Variants in GSE1 observed in about 807,000 individuals in gnomAD.
GSE1 encodes Gse1 coiled-coil protein, also known as genetic suppressor element 1.
A neutral mutation model predicts 112.6 loss-of-function variants in GSE1; 32 were observed. The ratio of observed to expected loss-of-function variants is 0.28; its 90% CI spans 0.21 to 0.38. GSE1 has a LOEUF of 0.38. Among genes scored for constraint, GSE1 ranks in the 10% least tolerant of loss-of-function variants. The pLI is 1.00. For missense variants in GSE1, 2,348 were observed against 1,699.2 expected, an observed-to-expected ratio of 1.38 and a Z score of -6.71; for synonymous variants, 1,115 against 735.6, an observed-to-expected ratio of 1.52 and a Z score of -8.35.
chr16:85,201,267 C>T (rs1489758515), intron 1 of GSE1, among the ~76,000 whole-genome samples: 2 of 151,700 alleles, frequency 1.3e-5, no homozygotes, highest in East Asian at 1.9e-4. Context: ...GACAGGGCCT[C>T]CCTGTGTTGC....
intron 1 of GSE1, among the ~76,000 whole-genome samples, chr16:85,265,853 G>C (rs1908182210): frequency 6.6e-6 from 1 of 152,208 alleles, no homozygotes; most frequent in South Asian, 2.1e-4. Context: ...GCCAGGGCAG[G>C]TGAGGTCCCA....
At chr16:85,597,373 C>CAA (rs1165062872) in intron 1 of GSE1, among the ~76,000 whole-genome samples, 714 of 31,006 alleles carry the variant, frequency 0.023, 30 homozygotes, top group African/African-American at 0.048. Flanking sequence ...GACTCTGTCT[C>CAA]AAAAAAAAAA....
intron 1 of GSE1, among the ~76,000 whole-genome samples, chr16:85,239,296 G>A (rs1377913490): frequency 1.3e-5 from 2 of 152,198 alleles, no homozygotes; most frequent in South Asian, 4.1e-4. Flanking sequence ...CCAGAGCTGG[G>A]CATTTAAAGA....
intron 2 of GSE1, among the ~76,000 whole-genome samples, chr16:85,393,649 G>C (rs1461347826): frequency 6.6e-6 from 1 of 152,230 alleles, no homozygotes; most frequent in Non-Finnish European, 1.5e-5. Context: ...TTCTGGAACA[G>C]TCTTCAGGCT....
intron 2 of GSE1, among the ~76,000 whole-genome samples, chr16:85,466,591 C>G (rs2050127585): frequency 6.6e-6 from 1 of 152,170 alleles, no homozygotes; most frequent in South Asian, 2.1e-4. Context: ...CTTGAAGACT[C>G]ACTGCGGGTG....
chr16:85,666,055 C>A lies in GSE1; in HGVS notation c.2838C>A (p.Ala946=), dbSNP rs773990778. Residue 946 remains alanine (A), a synonymous_variant, in exon 13 of 16, where the codon GCC becomes GCA. Transcript: ENST00000253458. Reference sequence around the variant, plus strand: ...CTTCCTTGTCTGACATCCCAAAGGCCGCGGAGCCTGGGAAGCTGGAACAGG... The same window carrying A: ...CTTCCTTGTCTGACATCCCAAAGGCAGCGGAGCCTGGGAAGCTGGAACAGG... ...VAASLSDIPK[A]AEPGKLEQVR... The A allele has an allele frequency of 6.2e-7, 1 of 1,613,454 alleles. No homozygotes were observed. The highest frequency in any genetic ancestry group is 2.2e-5 in the East Asian group (1 of 44,892).
At position 85,441,762 on chromosome 16, in the gene GSE1, C is replaced by T. The variant is rs188315764; in HGVS notation, c.2464+84119C>T. On this transcript the variant is annotated intron_variant, in intron 2 of 2. Coordinates refer to the GSE1 transcript ENST00000637419. ...GATAGAAGGAAGGATCAGAGAAAGA[C>T]ACCAGGATTGATGGCAGTGGGCTCC... is the stretch of plus-strand genomic sequence containing the variant. 3.0e-4 allele frequency among the ~76,000 whole-genome samples: 46 copies of T among 152,322 alleles called. No individual in the cohort carries two copies. In the East Asian group the frequency reaches 8.7e-3, roughly 29 times the overall value.
chr16:85,574,672 T>C (rs1307307289), intron 1 of GSE1, among the ~76,000 whole-genome samples: 1 of 152,210 alleles, frequency 6.6e-6, no homozygotes, highest in Non-Finnish European at 1.5e-5. Context: ...AAGAAGGCGC[T>C]GGTGTGGAAT....
chr16:85,619,787 C>G (rs1012950868), intron 1 of GSE1, among the ~76,000 whole-genome samples: 1 of 152,240 alleles, frequency 6.6e-6, no homozygotes, highest in South Asian at 2.1e-4. Context: ...GACTGACTTG[C>G]TAGGCAGGGA....
At chr16:85,220,295 G>T (rs1485407631) in intron 1 of GSE1, among the ~76,000 whole-genome samples, 1 of 152,222 alleles carries the variant, frequency 6.6e-6, no homozygotes, top group Non-Finnish European at 1.5e-5. Context: ...CGGGGGTCTG[G>T]TTTCCCTGCT....
chr16:85,238,182 C>G (rs185471592), intron 1 of GSE1, among the ~76,000 whole-genome samples: 175 of 152,252 alleles, frequency 1.1e-3, no homozygotes, highest in African/African-American at 4.0e-3. Context: ...TGGCGTCCTG[C>G]TATTGATGTT....
intron 1 of GSE1, among the ~76,000 whole-genome samples, chr16:85,272,343 C>A (rs755946662): frequency 1.5e-4 from 23 of 152,188 alleles, no homozygotes; most frequent in Non-Finnish European, 2.9e-4. Context: ...CTTTGCCATC[C>A]CTGGAGTGAT....
At chr16:85,288,593 C>G (rs1047670476) in intron 1 of GSE1, among the ~76,000 whole-genome samples, 5 of 152,238 alleles carry the variant, frequency 3.3e-5, no homozygotes, top group African/African-American at 7.2e-5. Context: ...TCTGAAGGAG[C>G]CTCCCTTCTG....
chr16:85,387,220 C>T (rs1002197752), intron 2 of GSE1, among the ~76,000 whole-genome samples: 1 of 152,164 alleles, frequency 6.6e-6, no homozygotes, highest in East Asian at 1.9e-4. Flanking sequence ...GCCCCCTGCA[C>T]CCATGGTCCA....
upstream of GSE1, chr16:85,554,950 G>A: frequency 7.1e-6 from 7 of 985,398 alleles, no homozygotes; most frequent in Non-Finnish European, 8.4e-6. Flanking sequence ...CCCGGGTTTG[G>A]AGAGGCGAGC....
At position 85,656,485 on chromosome 16, in the gene GSE1, G is replaced by A; in HGVS notation, c.1132G>A (p.Glu378Lys). 1 of 1,544,350 alleles carries A rather than the reference G, an allele frequency of 6.5e-7. No individual in the cohort carries two copies. The highest frequency in any genetic ancestry group is 1.2e-5 in the South Asian group (1 of 83,698). The change falls in exon 7 of 16, where the codon GAG becomes AAG. Residue 378 changes from glutamate (E) to lysine (K), a missense_variant. Physicochemically the swap from Glu to Lys is moderately conservative, Grantham distance 56. Coordinates refer to ENST00000253458, the MANE Select transcript of GSE1 (RefSeq NM_014615.5). ...EREQEKERER[E>K]KERERELERQ... ...CGAGCAAGAGAAGGAGCGTGAGCGT[G>A]AGAAGGAGCGCGAGCGCGAGCTGGA...
intron 1 of GSE1, among the ~76,000 whole-genome samples, chr16:85,172,564 C>T (rs1458392093): frequency 2.0e-5 from 3 of 152,250 alleles, no homozygotes; most frequent in Non-Finnish European, 4.4e-5. Context: ...TTGCAAGGGA[C>T]CAAGCAGGAA....
chr16:85,271,499 G>T (rs1189022037), intron 1 of GSE1, among the ~76,000 whole-genome samples: 1 of 152,204 alleles, frequency 6.6e-6, no homozygotes, highest in Non-Finnish European at 1.5e-5. Context: ...AGGACTTTTG[G>T]GGGTGAAAGG....
chr16:85,555,718 T>C, upstream of GSE1: 2 of 932,262 alleles, frequency 2.1e-6, no homozygotes, highest in Non-Finnish European at 2.5e-6. Flanking sequence ...CGTGAAACCC[T>C]GTTGGAAACA....
Sources: allele counts gnomAD v4.1 joint callset (sites outside exome capture counted in the v4.1 genomes callset), GRCh38; gene constraint gnomAD v4.1.1; transcripts MANE v1.5; gene names NCBI Gene and HGNC (gene_info 2026-07-23, HGNC 2026-07-21).